The following SUMF1 variants were observed in gnomAD, a reference collection of about 807,000 sequenced individuals.
SUMF1 encodes the protein sulfatase modifying factor 1, also known as formylglycine-generating enzyme.
A neutral mutation model predicts 47.6 loss-of-function variants in SUMF1; 48 were observed. The observed-to-expected ratio is 1.01, with a 90% CI of 0.80 to 1.28. The LOEUF (loss-of-function observed/expected upper bound fraction) is 1.28. Ranked by LOEUF, SUMF1 falls within the 50% of genes most tolerant of loss-of-function variation. The pLI is 0.00. For synonymous variants in SUMF1, 230 were observed against 192.1 expected (o/e 1.20, Z -1.63); for missense variants, 571 against 485.4 (o/e 1.18, Z -1.66).
chr3:4,214,238 A>G (rs919667308), intron 8 of SUMF1, among the ~76,000 whole-genome samples: 1 of 152,214 alleles, frequency 6.6e-6, no homozygotes, highest in African/African-American at 2.4e-5. Context: ...TCACATTAGA[A>G]CTCAGGATTA....
intron 8 of SUMF1, among the ~76,000 whole-genome samples, chr3:4,246,432 C>T (rs886206329): frequency 6.6e-6 from 1 of 152,064 alleles, no homozygotes; most frequent in African/African-American, 2.4e-5. Context: ...GACAGAGTCT[C>T]ACTCTGTTGC....
chr3:4,183,116 A>C (rs1378973609), intron 8 of SUMF1, among the ~76,000 whole-genome samples: 1 of 152,202 alleles, frequency 6.6e-6, no homozygotes, highest in Non-Finnish European at 1.5e-5. Flanking sequence ...TCCAAGTGCT[A>C]GCAGGTATTG....
chr3:4,129,502 C>T (rs572114710), intron 8 of SUMF1, among the ~76,000 whole-genome samples: 1 of 152,178 alleles, frequency 6.6e-6, no homozygotes, highest in Admixed American at 6.5e-5. Flanking sequence ...TGAATCATGG[C>T]CCCTCAATCA....
intron 8 of SUMF1, among the ~76,000 whole-genome samples, chr3:4,368,647 G>C (rs1381911347): frequency 6.6e-6 from 1 of 152,160 alleles, no homozygotes; most frequent in East Asian, 1.9e-4. Context: ...CCATGGAAGA[G>C]TATCACGACT....
chr3:4,090,334 T>A (rs574498488), intron 8 of SUMF1, among the ~76,000 whole-genome samples: 2 of 152,174 alleles, frequency 1.3e-5, no homozygotes, highest in East Asian at 3.9e-4. Flanking sequence ...TCTCTCACAT[T>A]TGGAAGCTGT....
rs189801983 is a variant in SUMF1, at chr3:4,152,159, C to G, written c.1015-83414G>C. On this transcript the variant is annotated intron_variant and NMD_transcript_variant, in intron 8 of 12. Transcript: ENST00000448413. ...GGGGAAGGGAGCAGTGCAAAGAACA[C>G]AGAACTGGAAAAATTTTAATGTTTG... Among the ~76,000 whole-genome samples, 3 of 151,630 alleles carry G rather than the reference C, an allele frequency of 2.0e-5. No individual in the cohort carries two copies. In the East Asian group the frequency reaches 5.8e-4, roughly 29 times the overall value.
chr3:4,082,501 A>G (rs1692582636), intron 8 of SUMF1, among the ~76,000 whole-genome samples: 1 of 152,166 alleles, frequency 6.6e-6, no homozygotes, highest in African/African-American at 2.4e-5. Flanking sequence ...TAATTTAATT[A>G]AAAGTTAAAA....
chr3:4,160,146 A>G (rs917009915), intron 8 of SUMF1, among the ~76,000 whole-genome samples: 3 of 151,720 alleles, frequency 2.0e-5, no homozygotes, highest in Non-Finnish European at 4.4e-5. Context: ...TAAACTTTCT[A>G]CCCCTATCTC....
chr3:4,211,189 C>CATACATATATATAT (rs1559569866), intron 8 of SUMF1, among the ~76,000 whole-genome samples: 1 of 61,056 alleles, frequency 1.6e-5, no homozygotes, highest in South Asian at 5.7e-4. Flanking sequence ...TATACATATA[C>CATACATATATATAT]ATATACATAC....
At chr3:4,314,025 T>G in intron 8 of SUMF1, 2 of 574,140 alleles carry the variant, frequency 3.5e-6, no homozygotes, top group Non-Finnish European at 6.0e-6. Context: ...TGACAAGTCC[T>G]TAAATGGAGA....
At chr3:4,099,156 G>C (rs529858876) in intron 8 of SUMF1, among the ~76,000 whole-genome samples, 1 of 152,150 alleles carries the variant, frequency 6.6e-6, no homozygotes. Flanking sequence ...TCCAAATCAG[G>C]AGTTAAATGA....
intron 8 of SUMF1, among the ~76,000 whole-genome samples, chr3:4,326,122 A>G (rs886088962): frequency 3.3e-5 from 5 of 152,168 alleles, no homozygotes; most frequent in Non-Finnish European, 7.4e-5. Context: ...GTGCCCAGCT[A>G]TCTTTTGAAA....
chr3:4,124,175 G>A (rs968646878), intron 8 of SUMF1, among the ~76,000 whole-genome samples: 7 of 151,950 alleles, frequency 4.6e-5, no homozygotes, highest in Non-Finnish European at 8.8e-5. Flanking sequence ...AGCTTTACAC[G>A]CCACCTCCCT....
intron 8 of SUMF1, among the ~76,000 whole-genome samples, chr3:4,234,372 A>T (rs888190304): frequency 2.6e-5 from 4 of 152,124 alleles, no homozygotes; most frequent in Non-Finnish European, 5.9e-5. Flanking sequence ...CAGCAATTGG[A>T]AACTTTACCT....
At chr3:4,143,299 T>G (rs775216043) in intron 8 of SUMF1, among the ~76,000 whole-genome samples, 6 of 152,088 alleles carry the variant, frequency 3.9e-5, no homozygotes, top group Non-Finnish European at 7.4e-5. Flanking sequence ...TTGGTGCAAA[T>G]TTCTCCCCAT....
intron 3 of SUMF1, among the ~76,000 whole-genome samples, chr3:4,426,745 T>G (rs1275161273): frequency 6.6e-6 from 1 of 152,188 alleles, no homozygotes; most frequent in Non-Finnish European, 1.5e-5. Flanking sequence ...AAGAGACAAT[T>G]TTTTTTGGAT....
At chr3:4,355,642 C>T (rs1699601229) in intron 8 of SUMF1, among the ~76,000 whole-genome samples, 1 of 152,184 alleles carries the variant, frequency 6.6e-6, no homozygotes, top group Non-Finnish European at 1.5e-5. Flanking sequence ...TCTAGCATTA[C>T]CCTGTTGAGG....
chr3:4,347,607 C>T (rs1338053061), intron 8 of SUMF1, among the ~76,000 whole-genome samples: 1 of 152,232 alleles, frequency 6.6e-6, no homozygotes, highest in Non-Finnish European at 1.5e-5. Context: ...GAAGCATTCC[C>T]TTTGAAAACC....
chr3:4,339,689 A>T (rs551036148), intron 8 of SUMF1, among the ~76,000 whole-genome samples: 1 of 152,318 alleles, frequency 6.6e-6, no homozygotes, highest in East Asian at 1.9e-4. Flanking sequence ...TACATCTTTC[A>T]GTCCTTCTAG....
Sources: allele counts gnomAD v4.1 joint callset (sites outside exome capture counted in the v4.1 genomes callset), GRCh38; gene constraint gnomAD v4.1.1; transcripts MANE v1.5; gene names NCBI Gene and HGNC (gene_info 2026-07-23, HGNC 2026-07-21).